The following DMGDH variants were observed in gnomAD, a reference collection of about 807,000 sequenced individuals.
DMGDH encodes dimethylglycine dehydrogenase.
A neutral mutation model predicts 95.2 loss-of-function variants in DMGDH; 76 were observed. That is an observed-to-expected ratio of 0.80 (90% CI 0.66 to 0.97). The LOEUF (loss-of-function observed/expected upper bound fraction) is 0.97. DMGDH is among the 50% of genes least tolerant of loss of function. The pLI is 0.00. For synonymous variants in DMGDH, 345 were observed against 377.6 expected, an observed-to-expected ratio of 0.91 and a Z score of 1.00; for missense variants, 987 against 1,055.0, an observed-to-expected ratio of 0.94 and a Z score of 0.89.
At position 79,044,471 on chromosome 5, in the gene DMGDH, G is replaced by T. The variant is rs751791825; in HGVS notation, c.827C>A (p.Ser276Ter). Reference protein sequence around the residue: ...IPVQHQYVVTSTISEVKALKR... With the variant: ...IPVQHQYVVT ...CAAAGCTTTCACTTCAGATATAGTCGATGTAACAACATATTGATGTTGAAC... is the reference window on the plus strand; with the variant it reads ...CAAAGCTTTCACTTCAGATATAGTCTATGTAACAACATATTGATGTTGAAC... Residue 276 changes from serine (S) to a stop codon, truncating the protein, a stop_gained, in exon 6 of 16, where the codon TCG becomes TAG. Transcript: ENST00000255189. LOFTEE classifies it high-confidence loss of function. 1.2e-6 allele frequency: 2 copies of T among 1,614,064 alleles called. No homozygotes were observed. The highest frequency in any genetic ancestry group is 1.1e-5 in the South Asian group (1 of 91,074).
At chr5:79,003,316 C>T (rs1406419473) in intron 15 of DMGDH, among the ~76,000 whole-genome samples, 1 of 152,190 alleles carries the variant, frequency 6.6e-6, no homozygotes, top group Admixed American at 6.5e-5. Flanking sequence ...GCCCAGAGAT[C>T]AGCTCAGGAT....
intron 2 of DMGDH, among the ~76,000 whole-genome samples, chr5:79,058,597 A>C (rs1160074875): frequency 6.6e-6 from 1 of 152,184 alleles, no homozygotes; most frequent in Non-Finnish European, 1.5e-5. Flanking sequence ...AGGTCACAGA[A>C]GTCATAGGAA....
intron 7 of DMGDH, among the ~76,000 whole-genome samples, chr5:79,040,162 T>C (rs1045803459): frequency 6.6e-6 from 1 of 152,220 alleles, no homozygotes; most frequent in Admixed American, 6.5e-5. Flanking sequence ...AGAGCAGTCT[T>C]GTGGAACGGA....
At chr5:79,033,601 CTTGATAGCTAGTTTA>C (rs1461524870) in intron 7 of DMGDH, among the ~76,000 whole-genome samples, 193 bp from the exon 8 acceptor site, 1 of 152,162 alleles carries the variant, frequency 6.6e-6, no homozygotes, top group Non-Finnish European at 1.5e-5. Context: ...ATGTGCCTGA[CTTGATAGCTAGTTTA>C]TTTACAGTTT....
chr5:79,067,778 C>T (rs1168936406), intron 1 of DMGDH, among the ~76,000 whole-genome samples: 1 of 152,150 alleles, frequency 6.6e-6, no homozygotes, highest in Non-Finnish European at 1.5e-5. Flanking sequence ...ATGCAAAAAA[C>T]CCAGGTCAGT....
Position 79,033,283 on chromosome 5 carries a change from T to A in DMGDH, c.1319A>T (p.Tyr440Phe). 3 of 1,614,214 alleles carry A rather than the reference T, an allele frequency of 1.9e-6. No individual in the cohort carries two copies. Among genetic ancestry groups the A allele is most frequent in the Non-Finnish European group, 2.5e-6 (3 of 1,180,030 alleles). Reference sequence around the variant, plus strand: ...TGATTCTCTTGCTTTGGCCTCAGTGTACTGGGTTGTTGTCCATTTGCCATA... The same window carrying A: ...TGATTCTCTTGCTTTGGCCTCAGTGAACTGGGTTGTTGTCCATTTGCCATA... ...NRYGKWTTTQ[Y>F]TEAKARESYG... The change falls in exon 8 of 16, where the codon TAC (tyrosine) becomes TTC (phenylalanine). Residue 440 changes from tyrosine (Y) to phenylalanine (F), a missense_variant. Tyr to Phe is a conservative substitution (Grantham distance 22, BLOSUM62 3). Transcript: ENST00000255189.
At chr5:79,061,058 C>G (rs1273357547) in intron 2 of DMGDH, among the ~76,000 whole-genome samples, 1 of 151,828 alleles carries the variant, frequency 6.6e-6, no homozygotes, top group Admixed American at 6.6e-5. Flanking sequence ...CTCATCTCTA[C>G]AAAAAACTTT....
chr5:79,000,119 T>G (rs949165753), intron 15 of DMGDH: 5 of 463,218 alleles, frequency 1.1e-5, no homozygotes, highest in African/African-American at 8.0e-5. Context: ...ACATTTTTTG[T>G]TTTTTTTCCA....
chr5:79,054,955 C>G (rs545629449), intron 3 of DMGDH, among the ~76,000 whole-genome samples: 2 of 152,178 alleles, frequency 1.3e-5, no homozygotes, highest in Non-Finnish European at 2.9e-5. Context: ...CACAAATGCT[C>G]TGAGAACCAA....
At position 79,026,436 on chromosome 5, in the gene DMGDH, G is replaced by C; in HGVS notation, c.2178C>G (p.Ala726=). ...TAGCATTTCAAACCTCTAACCCCCAGGCTCTGAAGGCTTTCTCCAGGCGTA... is the reference window on the plus strand; with the variant it reads ...TAGCATTTCAAACCTCTAACCCCCACGCTCTGAAGGCTTTCTCCAGGCGTA... The part of the protein sequence containing the change: ...NALRLEKAFR[A]WGLEMNCDTN... Residue 726 remains alanine, a synonymous_variant, in exon 13 of 16, where the codon GCC becomes GCG. Coordinates refer to ENST00000255189, the MANE Select transcript of DMGDH (RefSeq NM_013391.3). 1 of 1,614,036 alleles carries C rather than the reference G, an allele frequency of 6.2e-7. No homozygotes were observed. The highest frequency in any genetic ancestry group is 8.5e-7 in the Non-Finnish European group (1 of 1,179,994).
At chr5:79,057,843 G>C (rs1755077384) in intron 2 of DMGDH, among the ~76,000 whole-genome samples, 1 of 152,044 alleles carries the variant, frequency 6.6e-6, no homozygotes. Flanking sequence ...ACAAGCACTG[G>C]CCTAGGGTAC....
rs202179088 is a variant in DMGDH at position 79,033,313 on chromosome 5, T to A, written c.1289A>T (p.Asn430Ile). ...PPFDLIELDP[N>I]RYGKWTTTQY... ...GGTTGTTGTCCATTTGCCATAGCGA[T>A]TAGGATCCAATTCTATCAGATCAAA... Residue 430 changes from asparagine (N) to isoleucine (I), a missense_variant, in exon 8 of 16, where the codon AAT becomes ATT. Asn to Ile is a moderately radical substitution (Grantham distance 149). Coordinates refer to ENST00000255189, the MANE Select transcript of DMGDH (RefSeq NM_013391.3). The A allele has an allele frequency of 2.5e-5, 41 of 1,614,064 alleles. No individual in the cohort carries two copies. Among genetic ancestry groups the A allele is most frequent in the South Asian group, 1.1e-5 (1 of 91,088 alleles).
At chr5:79,069,097 G>C (rs1347688581) in intron 1 of DMGDH, among the ~76,000 whole-genome samples, 1 of 152,156 alleles carries the variant, frequency 6.6e-6, no homozygotes, top group Non-Finnish European at 1.5e-5. Flanking sequence ...ATAGACTAAC[G>C]ATAGTGTAGA....
chr5:79,055,060 G>A lies in DMGDH; in HGVS notation c.376-712C>T, dbSNP rs141821727. ...GACCCCAGGGAAGGTGGATGCCGAA[G>A]ATGGGGCCAGGGGAAGCAGCAGAAA... On this transcript the variant is annotated intron_variant, in intron 3 of 15. Coordinates refer to ENST00000255189, the MANE Select transcript of DMGDH (RefSeq NM_013391.3). 2.0e-3 allele frequency among the ~76,000 whole-genome samples: 298 copies of A among 152,356 alleles called. 1 individual carries two copies. Among genetic ancestry groups the A allele is most frequent in the African/African-American group, 6.9e-3 (285 of 41,590 alleles).
intron 13 of DMGDH, among the ~76,000 whole-genome samples, chr5:79,025,020 T>C (rs987343765): frequency 6.6e-6 from 1 of 152,260 alleles, no homozygotes; most frequent in African/African-American, 2.4e-5. Context: ...ACGCTTGTTT[T>C]ATATGACGTA....
intron 7 of DMGDH, among the ~76,000 whole-genome samples, chr5:79,036,737 G>A (rs248379): frequency 0.56 from 84,915 of 151,868 alleles, 23,987 homozygotes; most frequent in East Asian, 0.78. Context: ...GCCCCTCTCC[G>A]GACCACTAAA....
At chr5:79,049,713 G>A (rs1561225603) in intron 5 of DMGDH, among the ~76,000 whole-genome samples, 1 of 152,208 alleles carries the variant, frequency 6.6e-6, no homozygotes, top group South Asian at 2.1e-4. Flanking sequence ...AGAGGATAGT[G>A]TCAGATGGAG....
Position 79,050,324 on chromosome 5 carries a change from G to A in DMGDH, c.745+963C>T, listed in dbSNP as rs550490240. On this transcript the variant is annotated intron_variant, in intron 5 of 15. Coordinates refer to ENST00000255189, the MANE Select transcript of DMGDH (RefSeq NM_013391.3). The stretch of plus-strand genomic sequence containing the variant: ...TATACCTCAAAAGTTACAATACAGA[G>A]GAAAGAATCATAAGGGTATGGGTTT... Among the ~76,000 whole-genome samples, 3 of 139,334 alleles carry A rather than the reference G, an allele frequency of 2.2e-5. No individual in the cohort carries two copies. In the South Asian group the frequency reaches 6.9e-4, roughly 32 times the overall value. The allele number at this position is 139,334 out of a possible 152,430, so 91.4% of individuals were successfully genotyped here.
At chr5:79,029,839 A>C in intron 11 of DMGDH, 65 bp downstream of exon 11, 2 of 1,538,652 alleles carry the variant, frequency 1.3e-6, no homozygotes. Flanking sequence ...TAAAAAGAAA[A>C]ACTTAATGTA....
Sources: gnomAD v4.1 joint callset for allele counts (sites outside exome capture counted in the v4.1 genomes callset) on GRCh38, gnomAD v4.1.1 for gene constraint, MANE v1.5 for transcripts, NCBI Gene and HGNC (gene_info 2026-07-23, HGNC 2026-07-21) for gene names.